The following PDHX variants were observed in gnomAD, a reference collection of about 807,000 sequenced individuals.
PDHX encodes the protein pyruvate dehydrogenase complex component X.
PDHX carries 33 observed loss-of-function variants against 55.3 expected under a neutral mutation model. That is an observed-to-expected ratio of 0.60 (90% confidence interval 0.45 to 0.80). PDHX has a LOEUF of 0.80. Ranked by LOEUF, PDHX falls within the 30% of genes least tolerant of loss-of-function variation. The pLI is 0.00. For missense variants in PDHX, 622 were observed against 619.9 expected, an observed-to-expected ratio of 1.00 and a Z score of -0.04; for synonymous variants, 226 against 219.4, an observed-to-expected ratio of 1.03 and a Z score of -0.27.
intron 8 of PDHX, among the ~76,000 whole-genome samples, chr11:34,978,634 G>A (rs546450480): frequency 6.6e-6 from 1 of 152,106 alleles, no homozygotes; most frequent in South Asian, 2.1e-4. Context: ...CAGAGGGAGT[G>A]AGCCACATAG....
intron 2 of PDHX, among the ~76,000 whole-genome samples, chr11:34,931,937 C>T (rs1476062731): frequency 3.3e-5 from 5 of 151,480 alleles, no homozygotes; most frequent in African/African-American, 4.9e-5. Flanking sequence ...AGCAGATCAG[C>T]GGAGGAGGGT....
intron 1 of PDHX, among the ~76,000 whole-genome samples, chr11:34,923,867 T>C (rs972338476): frequency 5.3e-5 from 8 of 152,146 alleles, no homozygotes; most frequent in African/African-American, 1.7e-4. Flanking sequence ...AGGTAAAACA[T>C]TTGCCAGTGA....
intron 2 of PDHX, among the ~76,000 whole-genome samples, chr11:34,939,737 A>T (rs1265206806): frequency 6.6e-6 from 1 of 152,166 alleles, no homozygotes; most frequent in African/African-American, 2.4e-5. Flanking sequence ...TATAGCATAT[A>T]AATTATTTCC....
intron 7 of PDHX, among the ~76,000 whole-genome samples, chr11:34,976,154 A>G (rs74833502): frequency 0.036 from 5,442 of 152,220 alleles, 120 homozygotes; most frequent in Middle Eastern, 0.082. Context: ...TGCATGGTCC[A>G]GTTTTGGTAC....
At chr11:34,959,332 A>G (rs1433612653) in intron 4 of PDHX, among the ~76,000 whole-genome samples, 2 of 152,140 alleles carry the variant, frequency 1.3e-5, no homozygotes, top group African/African-American at 4.8e-5. Context: ...CACCGTCACT[A>G]ACCATTAGGG....
chr11:34,943,351 C>A (rs1038562607), intron 2 of PDHX, among the ~76,000 whole-genome samples: 1 of 152,138 alleles, frequency 6.6e-6, no homozygotes, highest in African/African-American at 2.4e-5. Context: ...GAAGTCGAAT[C>A]TGTAGTTCTT....
chr11:34,923,421 C>T (rs1481382094), intron 1 of PDHX, among the ~76,000 whole-genome samples: 1 of 152,164 alleles, frequency 6.6e-6, no homozygotes, highest in Non-Finnish European at 1.5e-5. Context: ...ATACCACTAA[C>T]TTCTTCAGGA....
intron 2 of PDHX, among the ~76,000 whole-genome samples, chr11:34,934,801 A>G (rs1440774848): frequency 1.3e-5 from 2 of 150,080 alleles, no homozygotes; most frequent in African/African-American, 4.9e-5. Context: ...CTGGTTTTGA[A>G]CTCCTGGGCT....
intron 2 of PDHX, among the ~76,000 whole-genome samples, chr11:34,947,113 T>C (rs1854638135): frequency 6.6e-6 from 1 of 152,220 alleles, no homozygotes; most frequent in South Asian, 2.1e-4. Context: ...CTGTTAATTG[T>C]AAAACTTTTC....
chr11:34,918,959 G>A (rs977450451), intron 1 of PDHX, among the ~76,000 whole-genome samples: 3 of 151,978 alleles, frequency 2.0e-5, no homozygotes, highest in Non-Finnish European at 4.4e-5. Flanking sequence ...GATTACATTG[G>A]GCTCATCTGG....
At chr11:34,920,202 T>C (rs1022925796) in intron 1 of PDHX, among the ~76,000 whole-genome samples, 3 of 152,200 alleles carry the variant, frequency 2.0e-5, no homozygotes, top group African/African-American at 7.2e-5. Context: ...AGAGTTTAAA[T>C]TGTGGTCCTT....
intron 3 of PDHX, among the ~76,000 whole-genome samples, chr11:34,953,950 TC>T: frequency 6.6e-6 from 1 of 152,244 alleles, no homozygotes; most frequent in Non-Finnish European, 1.5e-5. Flanking sequence ...CTTCTTCCCC[TC>T]TGTATTTTAG....
At chr11:34,959,175 C>A (rs932605591) in intron 4 of PDHX, among the ~76,000 whole-genome samples, 2 of 151,670 alleles carry the variant, frequency 1.3e-5, no homozygotes, top group African/African-American at 4.8e-5. Flanking sequence ...TCTGAGGTAT[C>A]CTATATATAT....
At chr11:34,943,109 A>C (rs562190099) in intron 2 of PDHX, among the ~76,000 whole-genome samples, 3 of 152,340 alleles carry the variant, frequency 2.0e-5, no homozygotes, top group African/African-American at 7.2e-5. Flanking sequence ...TGCATTGGCC[A>C]TGAAACCTGA....
intron 7 of PDHX, among the ~76,000 whole-genome samples, chr11:34,970,720 T>C (rs894946205): frequency 6.6e-6 from 1 of 152,200 alleles, no homozygotes; most frequent in Non-Finnish European, 1.5e-5. Context: ...AGTGCCAACA[T>C]GAAGCTCAAA....
intron 1 of PDHX, among the ~76,000 whole-genome samples, chr11:34,918,893 C>T (rs534201585): frequency 6.6e-6 from 1 of 152,198 alleles, no homozygotes; most frequent in South Asian, 2.1e-4. Context: ...GTCTTTATCA[C>T]ATTACGTCAC....
chr11:34,947,278 C>T (rs548071320), intron 2 of PDHX, among the ~76,000 whole-genome samples: 1 of 151,986 alleles, frequency 6.6e-6, no homozygotes, highest in African/African-American at 2.4e-5. Context: ...TTTTTATTAT[C>T]ACAAGTATAA....
intron 2 of PDHX, among the ~76,000 whole-genome samples, chr11:34,935,723 A>C (rs1401229408): frequency 6.6e-6 from 1 of 152,218 alleles, no homozygotes; most frequent in African/African-American, 2.4e-5. Flanking sequence ...AGTCCCCCAC[A>C]GCCATTATTA....
chr11:34,939,634 A>G (rs1590738033), intron 2 of PDHX, among the ~76,000 whole-genome samples: 1 of 152,342 alleles, frequency 6.6e-6, no homozygotes, highest in East Asian at 1.9e-4. Context: ...GAGTTGAACT[A>G]GCTGAAATCT....
Sources: gnomAD v4.1 joint callset for allele counts (sites outside exome capture counted in the v4.1 genomes callset) on GRCh38, gnomAD v4.1.1 for gene constraint, MANE v1.5 for transcripts, NCBI Gene and HGNC (gene_info 2026-07-23, HGNC 2026-07-21) for gene names.